ZNF426: variants seen among roughly 807,000 people sequenced by gnomAD.
ZNF426 encodes the protein zinc finger protein 426.
In ZNF426, 23 loss-of-function variants were observed where a neutral mutation model predicts 24.0. The ratio of observed to expected loss-of-function variants is 0.96; its 90% CI spans 0.69 to 1.36. The LOEUF is 1.36. Ranked by LOEUF, ZNF426 falls within the 40% of genes most tolerant of loss-of-function variation. The pLI, the probability that ZNF426 is intolerant of heterozygous loss-of-function variation, is 0.00. For synonymous variants in ZNF426, 272 were observed against 224.6 expected (o/e 1.21, Z -1.89); for missense variants, 646 against 658.4 (o/e 0.98, Z 0.21).
Position 9,529,552 on chromosome 19 carries a change from C to T in ZNF426, c.493G>A (p.Val165Met), listed in dbSNP as rs537333290. Residue 165 changes from valine to methionine, a missense_variant, in exon 8 of 8, where the codon GTG becomes ATG. Val to Met is a conservative substitution (Grantham distance 21, BLOSUM62 1). Coordinates refer to ENST00000253115, the MANE Select transcript of ZNF426 (RefSeq NM_024106.3). ...FSEHSCLKTH[V>M]RTQSTGNTHD... ...GTGTTCCCTGTACTTTGAGTTCTCA[C>T]GTGCGTCTTAAGGCATGAGTGTTCA... 2.5e-5 allele frequency: 41 copies of T among 1,610,628 alleles called. No homozygotes were observed. In the African/African-American group the frequency reaches 3.3e-4, roughly 13 times the overall value.
intron 4 of ZNF426, among the ~76,000 whole-genome samples, chr19:9,534,618 G>C (rs186607276): frequency 1.3e-5 from 2 of 151,276 alleles, no homozygotes; most frequent in East Asian, 3.9e-4. Flanking sequence ...TTTTTGAGAC[G>C]GAGTCTTGCT....
In ZNF426 at chr19:9,529,655, T is replaced by A. The variant is rs1399571431; in HGVS notation, c.409-19A>T. Reference sequence around the variant, plus strand: ...TTCCTTCCTGTTGAAGGGATGATGATGATTTAAGGATTTTTCTCAAACATA... The same window carrying A: ...TTCCTTCCTGTTGAAGGGATGATGAAGATTTAAGGATTTTTCTCAAACATA... On this transcript the variant is annotated intron_variant, in intron 7 of 7. Coordinates refer to ENST00000253115, the MANE Select transcript of ZNF426 (RefSeq NM_024106.3). 6.4e-7 allele frequency: 1 copy of A among 1,563,014 alleles called. No individual in the cohort carries two copies. Among genetic ancestry groups the A allele is most frequent in the Non-Finnish European group, 8.6e-7 (1 of 1,164,188 alleles).
intron 6 of ZNF426, among the ~76,000 whole-genome samples, chr19:9,531,413 G>A (rs1193481347): frequency 2.0e-5 from 3 of 152,138 alleles, no homozygotes; most frequent in Non-Finnish European, 4.4e-5. Context: ...TTTGGAGAAA[G>A]AAATGCAAAG....
chr19:9,529,852 T>A (rs1237538672), intron 7 of ZNF426, among the ~76,000 whole-genome samples: 2 of 152,114 alleles, frequency 1.3e-5, no homozygotes, highest in African/African-American at 4.8e-5. Flanking sequence ...AGGCATGGTG[T>A]CTCATGCCTG....
rs141363611 is a variant in ZNF426 at position 9,536,288 on chromosome 19, A to G, written c.-56T>C. The G allele has an allele frequency of 1.2e-6, 2 of 1,614,138 alleles. No homozygotes were observed. Among genetic ancestry groups the G allele is most frequent in the East Asian group, 4.5e-5 (2 of 44,882 alleles). On this transcript the variant is annotated 5_prime_UTR_variant, in exon 3 of 8. Transcript: ENST00000253115. The stretch of plus-strand genomic sequence containing the variant: ...CTTTCATTGATGTCACCATCACTTC[A>G]GGACACCTCATTAATCTAAATGGAC...
chr19:9,530,588 C>T (rs1356921983), intron 7 of ZNF426, among the ~76,000 whole-genome samples: 3 of 151,856 alleles, frequency 2.0e-5, no homozygotes, highest in African/African-American at 7.3e-5. Flanking sequence ...ACAGTAAGAC[C>T]CTGTCTCCAC....
chr19:9,528,374 T>C lies in ZNF426; in HGVS notation c.*6A>G, dbSNP rs775776992. 3.6e-5 allele frequency: 56 copies of C among 1,563,060 alleles called. No homozygotes were observed. The highest frequency in any genetic ancestry group is 4.8e-5 in the Non-Finnish European group (56 of 1,157,304). On this transcript the variant is annotated 3_prime_UTR_variant, in exon 8 of 8. Coordinates refer to ENST00000253115, the MANE Select transcript of ZNF426 (RefSeq NM_024106.3). ...TTCCCACATTTATTACATGGACAGT[T>C]TCTCACTAGTGAATTTGTTCATGTC...
At position 9,535,280 on chromosome 19, in the gene ZNF426, CT is replaced by C; in HGVS notation, c.26-2del. ...ACTGGGTCCCCAGAAAGATAATGTC[CT>C]GTAAGAAAATGAAGGCAAGAGAACC... On this transcript the variant is annotated splice_acceptor_variant, in intron 3 of 7. Coordinates refer to ENST00000253115, the MANE Select transcript of ZNF426 (RefSeq NM_024106.3). LOFTEE classifies it high-confidence loss of function. The C allele has an allele frequency of 6.2e-7, 1 of 1,611,964 alleles. No individual in the cohort carries two copies. The highest frequency in any genetic ancestry group is 8.5e-7 in the Non-Finnish European group (1 of 1,178,596).
rs1276570866 is a variant in ZNF426, at chr19:9,524,375, CT to C, written c.*4004del. The C allele has an allele frequency of 3.9e-5, 6 of 152,140 alleles. No individual in the cohort carries two copies. Among genetic ancestry groups the C allele is most frequent in the African/African-American group, 1.5e-4 (6 of 41,378 alleles). The allele number at this position is 152,140 out of a possible 1,614,324, so 9.4% of individuals were successfully genotyped here. On this transcript the variant is annotated 3_prime_UTR_variant, in exon 8 of 8. Transcript: ENST00000253115. The stretch of plus-strand genomic sequence containing the variant: ...CTCACAGCATTTTTCTACAATGTGA[CT>C]GTTCACATCTTTCATGTAAATGGGA...
intron 6 of ZNF426, among the ~76,000 whole-genome samples, chr19:9,532,518 G>T (rs2073902353): frequency 1.3e-5 from 2 of 151,836 alleles, no homozygotes; most frequent in Admixed American, 6.6e-5. Context: ...GGCTGGTCTT[G>T]AACTCCTGGG....
rs932355578 is a variant in ZNF426, at chr19:9,536,430, G to A, written c.-124-74C>T. The stretch of plus-strand genomic sequence containing the variant: ...TCAAACATATACACCGGCTGGGGCA[G>A]TAGCTCATGCCTGTAATCCCAGCAT... On this transcript the variant is annotated intron_variant, in intron 2 of 7. Transcript: ENST00000253115. 9 of 1,402,820 alleles carry A rather than the reference G, an allele frequency of 6.4e-6. No homozygotes were observed. The East Asian group carries it at 1.8e-4, about 28-fold the overall frequency. 86.9% of individuals were successfully genotyped at this position (1,402,820 alleles called of 1,614,324 possible). A position where few individuals can be genotyped will look rare whatever the true frequency, so the allele number is the denominator to read the frequency against.
At chr19:9,533,677 A>G (rs1330198940) in intron 5 of ZNF426, among the ~76,000 whole-genome samples, 163 bp downstream of exon 5, 1 of 152,214 alleles carries the variant, frequency 6.6e-6, no homozygotes, top group Non-Finnish European at 1.5e-5. Flanking sequence ...ATCTTGGACC[A>G]CATTTTCAGA....
At position 9,530,744 on chromosome 19, in the gene ZNF426, C is replaced by T. The variant is rs537789037; in HGVS notation, c.408+241G>A. ...CACCACTGCACTCCAGCCTGGGTGA[C>T]AGAGCAGTATCTCGTTTCAAAAAAA... On this transcript the variant is annotated intron_variant, in intron 7 of 7. Coordinates refer to ENST00000253115, the MANE Select transcript of ZNF426 (RefSeq NM_024106.3). 3.9e-4 allele frequency among the ~76,000 whole-genome samples: 60 copies of T among 152,242 alleles called. 1 individual carries two copies. The highest frequency in any genetic ancestry group is 1.4e-3 in the African/African-American group (60 of 41,542).
chr19:9,531,328 G>A (rs2073880780), intron 6 of ZNF426, among the ~76,000 whole-genome samples: 1 of 151,984 alleles, frequency 6.6e-6, no homozygotes, highest in Non-Finnish European at 1.5e-5. Context: ...GAGGTTGTAA[G>A]GAGCTCAGAT....
Position 9,538,566 on chromosome 19 carries a change from G to A in ZNF426, c.-212+9C>T, listed in dbSNP as rs150566741. ...CACCCCAAAACCAGTTCATCTCCTC[G>A]GAACTCACCCAGGCCAGTGAGGCCT... On this transcript the variant is annotated intron_variant, in intron 1 of 7. Transcript: ENST00000253115. 1.6e-4 allele frequency: 24 copies of A among 152,288 alleles called. No individual in the cohort carries two copies. The highest frequency in any genetic ancestry group is 4.6e-4 in the African/African-American group (19 of 41,532). The allele number at this position is 152,288 out of a possible 1,614,324, so 9.4% of individuals were successfully genotyped here. A position where few individuals can be genotyped will look rare whatever the true frequency, so the allele number is the denominator to read the frequency against.
intron 2 of ZNF426, among the ~76,000 whole-genome samples, chr19:9,537,080 A>T (rs2073977473): frequency 6.6e-6 from 1 of 151,980 alleles, no homozygotes. Context: ...CAGGGAGCTG[A>T]GATCACACCA....
intron 6 of ZNF426, among the ~76,000 whole-genome samples, chr19:9,532,220 G>A (rs1416475536): frequency 6.6e-6 from 1 of 151,326 alleles, no homozygotes; most frequent in African/African-American, 2.4e-5. Context: ...ATACTACTGA[G>A]AATGGTGAGA....
At position 9,528,952 on chromosome 19, in the gene ZNF426, C is replaced by T; in HGVS notation, c.1093G>A (p.Glu365Lys). ...VRSHSGDKPY[E>K]CKECGKSFLT... ...AAGGATTTCCCACATTCCTTACATT[C>T]ATAGGGCTTGTCTCCACTGTGAGAT... The change falls in exon 8 of 8, where the codon GAA becomes AAA. Residue 365 changes from glutamate to lysine, a missense_variant. Glu to Lys is a moderately conservative substitution (Grantham distance 56). Transcript: ENST00000253115. The T allele has an allele frequency of 6.2e-7, 1 of 1,613,850 alleles. No homozygotes were observed.
At chr19:9,536,452 G>C in intron 2 of ZNF426, 96 bp from the exon 3 acceptor site, 1 of 1,274,884 alleles carries the variant, frequency 7.8e-7, no homozygotes, top group Admixed American at 2.5e-5. Context: ...TGTAATCCCA[G>C]CATTTTGGGA....
Sources: allele counts gnomAD v4.1 joint callset (sites outside exome capture counted in the v4.1 genomes callset), GRCh38; gene constraint gnomAD v4.1.1; transcripts MANE v1.5; gene names NCBI Gene and HGNC (gene_info 2026-07-23, HGNC 2026-07-21).